CPXM2: variants seen among roughly 807,000 people sequenced by gnomAD.
CPXM2 encodes the protein carboxypeptidase X, M14 family member 2, also known as inactive carboxypeptidase-like protein X2.
Under a neutral mutation model 86.1 loss-of-function variants are expected in CPXM2, and 66 were observed. That is an observed-to-expected ratio of 0.77 (90% CI 0.63 to 0.94). The LOEUF (loss-of-function observed/expected upper bound fraction) is 0.94, where lower values mean the gene tolerates loss of function less well. Among genes scored for constraint, CPXM2 ranks in the 40% least tolerant of loss-of-function variants. CPXM2 has a pLI of 0.00. For missense variants in CPXM2, 948 were observed against 1,026.3 expected (o/e 0.92, Z 1.04); for synonymous variants, 388 against 400.2 (o/e 0.97, Z 0.36).
chr10:123,858,127 AT>A (rs1345494452), intron 3 of CPXM2, among the ~76,000 whole-genome samples: 1 of 152,250 alleles, frequency 6.6e-6, no homozygotes, highest in Non-Finnish European at 1.5e-5. Context: ...CTTCTGTGTC[AT>A]AATGACATCA....
rs1165814551 is a variant in CPXM2 at position 123,885,506 on chromosome 10, C to G, written c.305-5197G>C. On this transcript the variant is annotated intron_variant, in intron 1 of 13. Coordinates refer to ENST00000241305, the MANE Select transcript of CPXM2 (RefSeq NM_198148.3). The surrounding 1 kb of genome is among the most constrained non-coding windows in gnomAD (Gnocchi z 4.0). ...CCTAGCATGAACCAGGCATTCCATA[C>G]AAATCTGTGACATCAGGGGCTTAAA... Among the ~76,000 whole-genome samples the G allele has an allele frequency of 6.6e-6, 1 of 152,214 alleles. No homozygotes were observed. Among genetic ancestry groups the G allele is most frequent in the Non-Finnish European group, 1.5e-5 (1 of 68,042 alleles).
intron 1 of CPXM2, among the ~76,000 whole-genome samples, chr10:123,889,755 G>A (rs1217475540): frequency 1.3e-5 from 2 of 152,142 alleles, no homozygotes; most frequent in African/African-American, 4.8e-5. Context: ...CCAAGTTGAT[G>A]AGCCCTAAAC....
intron 3 of CPXM2, among the ~76,000 whole-genome samples, chr10:123,858,963 G>A (rs539375904): frequency 2.1e-4 from 32 of 152,320 alleles, no homozygotes; most frequent in African/African-American, 7.5e-4. Context: ...GCACCTTCCT[G>A]ATGACGACAC....
chr10:123,890,867 G>A (rs1302844266), intron 1 of CPXM2, among the ~76,000 whole-genome samples: 1 of 152,184 alleles, frequency 6.6e-6, no homozygotes, highest in African/African-American at 2.4e-5. Flanking sequence ...CCCGCTGAGA[G>A]TGGGAAGGAG....
intron 7 of CPXM2, among the ~76,000 whole-genome samples, chr10:123,775,075 G>A (rs371580000): frequency 1.4e-4 from 21 of 152,246 alleles, no homozygotes; most frequent in African/African-American, 4.8e-4. Flanking sequence ...TTTACCCTGC[G>A]TCACCCAGCT....
intron 2 of CPXM2, among the ~76,000 whole-genome samples, chr10:123,907,852 C>T (rs1371752847): frequency 6.6e-6 from 1 of 150,986 alleles, no homozygotes; most frequent in Non-Finnish European, 1.5e-5. Flanking sequence ...TTGTGCTAAA[C>T]CAGGCAATAC....
intron 6 of CPXM2, among the ~76,000 whole-genome samples, chr10:123,794,054 C>T (rs1028318914): frequency 6.6e-6 from 1 of 152,182 alleles, no homozygotes; most frequent in Non-Finnish European, 1.5e-5. Flanking sequence ...GGAGGATGTG[C>T]GTATCAGGAG....
chr10:123,822,779 T>C (rs1309136223), intron 4 of CPXM2, among the ~76,000 whole-genome samples: 1 of 151,988 alleles, frequency 6.6e-6, no homozygotes, highest in East Asian at 1.9e-4. Context: ...AAAAACTTTA[T>C]CGAGAAGGAA....
intron 11 of CPXM2, among the ~76,000 whole-genome samples, chr10:123,757,902 G>A (rs1846249735): frequency 6.6e-6 from 1 of 152,124 alleles, no homozygotes; most frequent in Non-Finnish European, 1.5e-5. Flanking sequence ...AGCAGAGGTA[G>A]GCAACACAGC....
intron 6 of CPXM2, among the ~76,000 whole-genome samples, chr10:123,788,428 C>A (rs1287416431): frequency 1.3e-5 from 2 of 152,112 alleles, no homozygotes; most frequent in Non-Finnish European, 2.9e-5. Flanking sequence ...CAAACCAAAG[C>A]AAGCCCGATA....
chr10:123,929,402 T>C (rs1240592202), intron 2 of CPXM2, among the ~76,000 whole-genome samples: 3 of 152,238 alleles, frequency 2.0e-5, no homozygotes, highest in Non-Finnish European at 4.4e-5. Context: ...GCACCACTGA[T>C]GGCTTTATGG....
intron 4 of CPXM2, among the ~76,000 whole-genome samples, chr10:123,830,872 CTGTGTGTG>C (rs34599295): frequency 0.011 from 1,570 of 142,796 alleles, 24 homozygotes; most frequent in East Asian, 0.083. Flanking sequence ...CTCTCTCTCT[CTGTGTGTG>C]TGTGTGTGTG....
intron 2 of CPXM2, among the ~76,000 whole-genome samples, chr10:123,909,100 C>T (rs1017750259): frequency 1.3e-5 from 2 of 152,154 alleles, no homozygotes; most frequent in African/African-American, 2.4e-5. Flanking sequence ...AAGCTTTTGG[C>T]TGGGCACAGG....
chr10:123,906,841 T>C (rs1339014827), intron 2 of CPXM2, among the ~76,000 whole-genome samples: 3 of 152,086 alleles, frequency 2.0e-5, no homozygotes, highest in Admixed American at 1.3e-4. Context: ...AACCCCCAAA[T>C]TGTGCCGGAT....
At chr10:123,750,011 G>A (rs1197297778) in intron 13 of CPXM2, 1 of 385,146 alleles carries the variant, frequency 2.6e-6, no homozygotes, top group Non-Finnish European at 3.5e-6. Context: ...GTAGAGATGG[G>A]GTTTCACCAT....
chr10:123,844,008 A>G (rs1848442738), intron 3 of CPXM2, among the ~76,000 whole-genome samples: 1 of 152,172 alleles, frequency 6.6e-6, no homozygotes, highest in South Asian at 2.1e-4. Context: ...CACACTGGAC[A>G]GTCAATTAAA....
At chr10:123,811,613 T>C (rs985896141) in intron 4 of CPXM2, among the ~76,000 whole-genome samples, 1 of 152,160 alleles carries the variant, frequency 6.6e-6, no homozygotes, top group Non-Finnish European at 1.5e-5. Flanking sequence ...TTTAAAACTT[T>C]TGCTTATTAA....
intron 13 of CPXM2, among the ~76,000 whole-genome samples, chr10:123,748,894 G>A (rs1351892486): frequency 6.6e-6 from 1 of 151,980 alleles, no homozygotes; most frequent in Non-Finnish European, 1.5e-5. Flanking sequence ...CAGGCAGTAT[G>A]TCCTTGAGAG....
chr10:123,914,556 C>T (rs770740596), intron 2 of CPXM2, among the ~76,000 whole-genome samples: 28 of 152,154 alleles, frequency 1.8e-4, no homozygotes, highest in Non-Finnish European at 2.9e-4. Flanking sequence ...GTGAACTCCC[C>T]ATTTTCCTTC....
Sources: allele counts gnomAD v4.1 joint callset (sites outside exome capture counted in the v4.1 genomes callset), GRCh38; gene constraint gnomAD v4.1.1; non-coding constraint Gnocchi (gnomAD v3.1); transcripts MANE v1.5; gene names NCBI Gene and HGNC (gene_info 2026-07-23, HGNC 2026-07-21).